RUNX2: variants seen among roughly 807,000 people sequenced by gnomAD.
RUNX2 encodes the protein runt-related transcription factor 2.
A neutral mutation model predicts 51.7 loss-of-function variants in RUNX2; 10 were observed. The observed-to-expected ratio is 0.19, with a 90% CI of 0.12 to 0.33. The LOEUF is 0.33. RUNX2 is among the 10% of genes least tolerant of loss of function. The pLI is 1.00. For synonymous variants in RUNX2, 276 were observed against 273.6 expected (o/e 1.01, Z -0.09); for missense variants, 562 against 691.3 (o/e 0.81, Z 2.10).
Position 45,510,463 on chromosome 6 carries a change from T to G in RUNX2, c.860-1783T>G, listed in dbSNP as rs543688814. Among the ~76,000 whole-genome samples, 181 of 152,340 alleles carry G rather than the reference T, an allele frequency of 1.2e-3. 1 individual carries two copies. The highest frequency in any genetic ancestry group is 1.6e-3 in the Non-Finnish European group (107 of 68,030). On this transcript the variant is annotated intron_variant, in intron 6 of 8. Coordinates refer to ENST00000647337, the MANE Select transcript of RUNX2 (RefSeq NM_001024630.4). ...AATCTTTAAATAAATTGTTTCTGAA[T>G]TGAACAAATAAACAAGAAATAGCTG...
At chr6:45,419,605 C>G (rs1230860648) in intron 2 of RUNX2, among the ~76,000 whole-genome samples, 4 of 152,228 alleles carry the variant, frequency 2.6e-5, no homozygotes, top group Non-Finnish European at 4.4e-5. Flanking sequence ...CCTGGCTTCC[C>G]TTCCCGGATC....
At chr6:45,497,586 A>C (rs928513142) in intron 6 of RUNX2, among the ~76,000 whole-genome samples, 1 of 152,142 alleles carries the variant, frequency 6.6e-6, no homozygotes, top group Non-Finnish European at 1.5e-5. Context: ...ACTCAGATCA[A>C]ATGCTGCCAC....
At chr6:45,363,829 T>C (rs535901936) in intron 2 of RUNX2, among the ~76,000 whole-genome samples, 106 of 152,114 alleles carry the variant, frequency 7.0e-4, no homozygotes, top group African/African-American at 2.5e-3. Context: ...AGAATATTTT[T>C]ATAAGAAATA....
chr6:45,382,317 C>T lies in RUNX2; in HGVS notation c.59-40276C>T, dbSNP rs896475883. On this transcript the variant is annotated intron_variant, in intron 2 of 8. Coordinates refer to ENST00000647337, the MANE Select transcript of RUNX2 (RefSeq NM_001024630.4). ...GAAGTTAGACAATAAAAATAAATGC[C>T]TAAAATAAATACCTAAATTATATAG... 2.6e-5 allele frequency among the ~76,000 whole-genome samples: 4 copies of T among 152,236 alleles called. No homozygotes were observed. The South Asian group carries it at 8.3e-4, about 32-fold the overall frequency.
chr6:45,423,539 T>G (rs897857001), intron 3 of RUNX2, among the ~76,000 whole-genome samples: 5 of 152,156 alleles, frequency 3.3e-5, no homozygotes, highest in Non-Finnish European at 5.9e-5. Flanking sequence ...TCAGCGGTCC[T>G]GGTCCCTCCC....
chr6:45,495,644 T>C (rs990304555), intron 6 of RUNX2, among the ~76,000 whole-genome samples: 32 of 152,242 alleles, frequency 2.1e-4, no homozygotes, highest in African/African-American at 7.7e-4. Context: ...CTCAAGCTTT[T>C]ACCCCAAAAC....
chr6:45,365,307 TA>T, intron 2 of RUNX2: 1 of 1,591,338 alleles, frequency 6.3e-7, no homozygotes, highest in Non-Finnish European at 8.6e-7. Context: ...TTCATCTAAA[TA>T]AAAAGGAGAA....
chr6:45,546,531 T>G (rs1477950009), intron 8 of RUNX2, among the ~76,000 whole-genome samples: 1 of 152,082 alleles, frequency 6.6e-6, no homozygotes, highest in East Asian at 1.9e-4. Context: ...GTCTGGTGAG[T>G]GAACCTATGT....
At chr6:45,349,552 G>A (rs1038538736) in intron 2 of RUNX2, among the ~76,000 whole-genome samples, 1 of 152,154 alleles carries the variant, frequency 6.6e-6, no homozygotes, top group Non-Finnish European at 1.5e-5. Context: ...CTGGAGGTGA[G>A]ACCCAGCAGT....
chr6:45,543,340 T>A (rs1802289022), intron 7 of RUNX2, among the ~76,000 whole-genome samples: 1 of 152,216 alleles, frequency 6.6e-6, no homozygotes, highest in Non-Finnish European at 1.5e-5. Context: ...AATAGCCGAA[T>A]GTACTTTGTA....
chr6:45,407,181 G>A (rs1451861281), intron 2 of RUNX2, among the ~76,000 whole-genome samples: 1 of 152,002 alleles, frequency 6.6e-6, no homozygotes, highest in Non-Finnish European at 1.5e-5. Flanking sequence ...TCTGCTCACT[G>A]CAACCTCCGC....
chr6:45,377,366 C>T (rs1796943194), intron 2 of RUNX2: 1 of 152,268 alleles, frequency 6.6e-6, no homozygotes, highest in African/African-American at 2.4e-5. Flanking sequence ...CTCCCACTAA[C>T]TACCTAACTC....
chr6:45,375,137 G>C (rs1055803784), intron 2 of RUNX2, among the ~76,000 whole-genome samples: 11 of 152,194 alleles, frequency 7.2e-5, no homozygotes, highest in African/African-American at 2.7e-4. Context: ...AACCCAGGAG[G>C]GGGAGGTTGC....
chr6:45,333,671 G>A (rs978982537), intron 2 of RUNX2, among the ~76,000 whole-genome samples: 1 of 151,136 alleles, frequency 6.6e-6, no homozygotes, highest in Non-Finnish European at 1.5e-5. Context: ...CATTTAACCT[G>A]ATATAAAAAA....
At chr6:45,457,485 T>C (rs1037379547) in intron 5 of RUNX2, among the ~76,000 whole-genome samples, 8 of 151,794 alleles carry the variant, frequency 5.3e-5, no homozygotes, top group African/African-American at 1.9e-4. Context: ...TCTAGAAACA[T>C]GAAAGATGAG....
chr6:45,347,294 G>GAT (rs892770495), intron 2 of RUNX2, among the ~76,000 whole-genome samples: 9 of 152,166 alleles, frequency 5.9e-5, no homozygotes, highest in East Asian at 1.9e-4. Context: ...CGATTTCACT[G>GAT]ATATATATAT....
chr6:45,452,999 A>G (rs1799217855), intron 5 of RUNX2, among the ~76,000 whole-genome samples: 2 of 152,154 alleles, frequency 1.3e-5, no homozygotes, highest in South Asian at 4.1e-4. Context: ...AGAAGTCACA[A>G]CTTGCTTTCT....
intron 2 of RUNX2, among the ~76,000 whole-genome samples, chr6:45,403,678 A>G (rs906943324): frequency 6.6e-6 from 1 of 152,158 alleles, no homozygotes; most frequent in Non-Finnish European, 1.5e-5. Flanking sequence ...TTGAATGCCC[A>G]TTATGTGTGA....
intron 5 of RUNX2, among the ~76,000 whole-genome samples, chr6:45,481,142 T>C (rs549181768): frequency 2.0e-4 from 31 of 152,192 alleles, no homozygotes; most frequent in Non-Finnish European, 4.0e-4. Flanking sequence ...ACATAAAATA[T>C]GCACAAAACC....
Sources: allele counts gnomAD v4.1 joint callset (sites outside exome capture counted in the v4.1 genomes callset), GRCh38; gene constraint gnomAD v4.1.1; transcripts MANE v1.5; gene names NCBI Gene and HGNC (gene_info 2026-07-23, HGNC 2026-07-21).